RPL28: variants seen among roughly 807,000 people sequenced by gnomAD.
The protein encoded by RPL28 is large ribosomal subunit protein eL28.
In RPL28, 4 loss-of-function variants were observed where a neutral mutation model predicts 12.5. The ratio of observed to expected loss-of-function variants is 0.32; its 90% CI spans 0.16 to 0.73. RPL28 has a LOEUF of 0.73. RPL28 is among the 30% of genes least tolerant of loss of function. RPL28 has a pLI of 0.66. For synonymous variants in RPL28, 91 were observed against 72.5 expected, an observed-to-expected ratio of 1.26 and a Z score of -1.30; for missense variants, 214 against 197.7, an observed-to-expected ratio of 1.08 and a Z score of -0.49.
In RPL28 at chr19:55,389,419, C is replaced by CTT. The variant is rs752364297; in HGVS notation, c.*1088_*1089insTT. ...TCACATGTTTCCTGGGCACCTAACT[C>CTT]TGTCAGCCACTGCCAGGGACCAAGG... On this transcript the variant is annotated 3_prime_UTR_variant, in exon 5 of 5. Transcript: ENST00000344063. The CTT allele has an allele frequency of 3.0e-6, 3 of 985,302 alleles. No homozygotes were observed. In the Admixed American group the frequency reaches 1.8e-4, roughly 61 times the overall value. The allele number at this position is 985,302 out of a possible 1,614,324, so 61.0% of individuals were successfully genotyped here. A position where few individuals can be genotyped will look rare whatever the true frequency, so the allele number is the denominator to read the frequency against.
At chr19:55,401,093 G>GT (rs1192381581) in intron 4 of RPL28, 2 of 323,224 alleles carry the variant, frequency 6.2e-6, no homozygotes, top group African/African-American at 4.4e-5. Flanking sequence ...AAGAGGGGTT[G>GT]TGACCGCTCT....
intron 4 of RPL28, among the ~76,000 whole-genome samples, chr19:55,402,458 A>C (rs1390309676): frequency 6.6e-6 from 1 of 152,144 alleles, no homozygotes; most frequent in Non-Finnish European, 1.5e-5. Context: ...GGTAAATTGG[A>C]GTGCAGAGGT....
rs376903154 is a variant in RPL28, at chr19:55,389,569, A to G, written c.*1237A>G. On this transcript the variant is annotated 3_prime_UTR_variant, in exon 5 of 5. Coordinates refer to ENST00000344063, the MANE Select transcript of RPL28 (RefSeq NM_000991.5). ...GAGTAAGGGGACTGTCAGGGCCTCG[A>G]CTTGCCATTGGTTGGGGTCGTACGG... is the stretch of plus-strand genomic sequence containing the variant. The G allele has an allele frequency of 1.9e-4, 190 of 985,436 alleles. 1 individual carries two copies. The African/African-American group carries it at 3.1e-3, about 16-fold the overall frequency. 61.0% of individuals were successfully genotyped at this position (985,436 alleles called of 1,614,324 possible).
At position 55,390,670 on chromosome 19, in the gene RPL28, C is replaced by G. The variant is rs555757485; in HGVS notation, c.*2338C>G. 1 of 985,448 alleles carries G rather than the reference C, an allele frequency of 1.0e-6. No individual in the cohort carries two copies. The highest frequency in any genetic ancestry group is 6.1e-5 in the Admixed American group (1 of 16,280). The allele number at this position is 985,448 out of a possible 1,614,324, so 61.0% of individuals were successfully genotyped here. A position where few individuals can be genotyped will look rare whatever the true frequency, so the allele number is the denominator to read the frequency against. ...TGGTCTCATCCGTAACACAGCCCAGCTTAGTGGGCCTCTGTTCCTGCGGGT... is the reference window on the plus strand; with the variant it reads ...TGGTCTCATCCGTAACACAGCCCAGGTTAGTGGGCCTCTGTTCCTGCGGGT... On this transcript the variant is annotated 3_prime_UTR_variant, in exon 5 of 5. Coordinates refer to ENST00000344063, the MANE Select transcript of RPL28 (RefSeq NM_000991.5).
At chr19:55,394,806 T>C (rs2090011713), downstream of RPL28, among the ~76,000 whole-genome samples, 1 of 151,864 alleles carries the variant, frequency 6.6e-6, no homozygotes. Context: ...ACTCCTGGGC[T>C]CAATCCTCCC....
intron 3 of RPL28, chr19:55,387,016 C>T: frequency 6.9e-7 from 1 of 1,441,782 alleles, no homozygotes; most frequent in Non-Finnish European, 9.1e-7. Flanking sequence ...TGGATGGTTT[C>T]ATCCCACAGG....
Position 55,388,905 on chromosome 19 carries a change from G to A in RPL28, c.*573G>A, listed in dbSNP as rs2089962714. The A allele has an allele frequency of 1.0e-6, 1 of 985,572 alleles. No individual in the cohort carries two copies. The highest frequency in any genetic ancestry group is 1.2e-6 in the Non-Finnish European group (1 of 830,118). The allele number at this position is 985,572 out of a possible 1,614,324, so 61.1% of individuals were successfully genotyped here. A position where few individuals can be genotyped will look rare whatever the true frequency, so the allele number is the denominator to read the frequency against. On this transcript the variant is annotated 3_prime_UTR_variant, in exon 5 of 5. Coordinates refer to ENST00000344063, the MANE Select transcript of RPL28 (RefSeq NM_000991.5). ...GGTGGGTGGTGGCTTATAACTGTAA[G>A]GGAGATGGCAGCCCCAGGGTACAGC...
At chr19:55,392,795 C>T (rs1253966443), downstream of RPL28, among the ~76,000 whole-genome samples, 4 of 151,860 alleles carry the variant, frequency 2.6e-5, no homozygotes, top group Non-Finnish European at 4.4e-5. Flanking sequence ...CCCCAAAGTG[C>T]TGGGATTACA....
chr19:55,386,678 A>G lies in RPL28; in HGVS notation c.190A>G (p.Ile64Val). ...CGACGGCAAAGGTGTCGTGGTGGTC[A>G]TTAAGCGGAGATCCGGTGAGTTTTG... ...AADGKGVVVV[I>V]KRRSGQRKPA... The change falls in exon 3 of 5, where the codon ATT (isoleucine) becomes GTT (valine). Residue 64 changes from isoleucine (I) to valine (V), a missense_variant. Physicochemically the swap from Ile to Val is conservative, Grantham distance 29. Coordinates refer to ENST00000344063, the MANE Select transcript of RPL28 (RefSeq NM_000991.5). 1.2e-6 allele frequency: 2 copies of G among 1,614,158 alleles called. No individual in the cohort carries two copies. Among genetic ancestry groups the G allele is most frequent in the East Asian group, 2.2e-5 (1 of 44,880 alleles).
rs1184339638 is a variant in RPL28, at chr19:55,386,683, G to C, written c.195G>C (p.Lys65Asn). 23 of 1,614,054 alleles carry C rather than the reference G, an allele frequency of 1.4e-5. No individual in the cohort carries two copies. The Admixed American group carries it at 3.8e-4, about 27-fold the overall frequency. Residue 65 changes from lysine to asparagine, a missense_variant, in exon 3 of 5, where the codon AAG (lysine) becomes AAC (asparagine). Coordinates refer to ENST00000344063, the MANE Select transcript of RPL28 (RefSeq NM_000991.5). ...GCAAAGGTGTCGTGGTGGTCATTAAGCGGAGATCCGGTGAGTTTTGTCTGG... is the reference window on the plus strand; with the variant it reads ...GCAAAGGTGTCGTGGTGGTCATTAACCGGAGATCCGGTGAGTTTTGTCTGG... ...ADGKGVVVVI[K>N]RRSGQRKPAT...
At chr19:55,401,905 CCCT>C in intron 4 of RPL28, 1 of 731,246 alleles carries the variant, frequency 1.4e-6, no homozygotes, top group Non-Finnish European at 2.0e-6. Flanking sequence ...GCTGCATCCT[CCCT>C]CATCTTTGCT....
In RPL28 at chr19:55,389,557, G is replaced by A. The variant is rs1301545856; in HGVS notation, c.*1225G>A. The A allele has an allele frequency of 3.0e-6, 3 of 985,354 alleles. No homozygotes were observed. Among genetic ancestry groups the A allele is most frequent in the Non-Finnish European group, 2.4e-6 (2 of 829,968 alleles). 61.0% of individuals were successfully genotyped at this position (985,354 alleles called of 1,614,324 possible). A position where few individuals can be genotyped will look rare whatever the true frequency, so the allele number is the denominator to read the frequency against. On this transcript the variant is annotated 3_prime_UTR_variant, in exon 5 of 5. Transcript: ENST00000344063. ...GGCTCTGACTGAGAGTAAGGGGACT[G>A]TCAGGGCCTCGACTTGCCATTGGTT...
chr19:55,393,627 A>ATTTT (rs869033963), downstream of RPL28, among the ~76,000 whole-genome samples: 1 of 127,700 alleles, frequency 7.8e-6, no homozygotes, highest in African/African-American at 3.2e-5. Context: ...CCAATCACCA[A>ATTTT]TTTGTTTTTT....
At chr19:55,401,396 G>A in intron 4 of RPL28, 1 of 1,392,050 alleles carries the variant, frequency 7.2e-7, no homozygotes, top group Non-Finnish European at 9.9e-7. Context: ...GGAGGGGACA[G>A]GAGAGGTTGG....
intron 3 of RPL28, chr19:55,386,931 C>G: frequency 2.0e-6 from 3 of 1,475,104 alleles, no homozygotes; most frequent in Non-Finnish European, 1.8e-6. Flanking sequence ...CCTGAACTTC[C>G]TCGGTGGTTG....
In RPL28 at chr19:55,391,930, G is replaced by A. The variant is rs570423178; in HGVS notation, c.*3598G>A. ...CAGGTCTGCCCCGCCGTCCTGTGGG[G>A]CTGTGAGCTTTCCCAGCCTCCTGCC... On this transcript the variant is annotated 3_prime_UTR_variant, in exon 5 of 5. Coordinates refer to ENST00000344063, the MANE Select transcript of RPL28 (RefSeq NM_000991.5). The A allele has an allele frequency of 3.3e-4, 416 of 1,267,518 alleles. No individual in the cohort carries two copies. The highest frequency in any genetic ancestry group is 4.0e-4 in the Non-Finnish European group (397 of 1,001,726). The allele number at this position is 1,267,518 out of a possible 1,614,324, so 78.5% of individuals were successfully genotyped here.
At chr19:55,402,360 A>T (rs192592364) in intron 4 of RPL28, among the ~76,000 whole-genome samples, 56 of 152,302 alleles carry the variant, frequency 3.7e-4, no homozygotes, top group Non-Finnish European at 7.2e-4. Context: ...CACACACAAG[A>T]GGGCAAGACA....
At chr19:55,387,310 T>G in intron 3 of RPL28, 1 of 1,551,730 alleles carries the variant, frequency 6.4e-7, no homozygotes. Flanking sequence ...GGTCCTTGAT[T>G]GGAACTGCCT....
At chr19:55,386,897 G>C in intron 3 of RPL28, 1 of 1,510,796 alleles carries the variant, frequency 6.6e-7, no homozygotes, top group Non-Finnish European at 8.8e-7. Flanking sequence ...GTCCTCACCT[G>C]TAAAGTGGAG....
Sources: allele counts gnomAD v4.1 joint callset (sites outside exome capture counted in the v4.1 genomes callset), GRCh38; gene constraint gnomAD v4.1.1; transcripts MANE v1.5; gene names NCBI Gene and HGNC (gene_info 2026-07-23, HGNC 2026-07-21).